The following RGPD2 variants were observed in gnomAD, a reference collection of about 807,000 sequenced individuals.
RGPD2 encodes the protein RANBP2 like and GRIP domain containing 2.
In RGPD2, 2 loss-of-function variants were observed where a neutral mutation model predicts 36.0. The ratio of observed to expected loss-of-function variants is 0.06; its 90% confidence interval spans 0.02 to 0.17. The LOEUF is 0.17. Ranked by LOEUF, RGPD2 falls within the 10% of genes least tolerant of loss-of-function variation. RGPD2 has a pLI of 1.00. For synonymous variants in RGPD2, 19 were observed against 163.8 expected, an observed-to-expected ratio of 0.12 and a Z score of 6.75; for missense variants, 40 against 464.3, an observed-to-expected ratio of 0.09 and a Z score of 8.40.
At chr2:87,923,637 C>T in the RGPD2 span, among the ~76,000 whole-genome samples, 1 of 148,774 alleles carries the variant, frequency 6.7e-6, no homozygotes, top group Non-Finnish European at 1.5e-5. Flanking sequence ...CACTAAGCTC[C>T]TAGTTTTCTT....
At chr2:87,866,406 C>T in the RGPD2 span, among the ~76,000 whole-genome samples, 1 of 152,182 alleles carries the variant, frequency 6.6e-6, no homozygotes, top group Non-Finnish European at 1.5e-5. Flanking sequence ...GTTTGCTGCT[C>T]TACACTTGAA....
the RGPD2 span, among the ~76,000 whole-genome samples, chr2:87,864,353 G>A: frequency 2.0e-5 from 3 of 152,244 alleles, no homozygotes; most frequent in Non-Finnish European, 4.4e-5. Context: ...CATTTGGACC[G>A]GGACTTACAC....
the RGPD2 span, among the ~76,000 whole-genome samples, chr2:87,867,741 G>C: frequency 6.7e-6 from 1 of 149,702 alleles, no homozygotes; most frequent in African/African-American, 2.4e-5. Context: ...ATTTGTGGAC[G>C]TCAAACTCTT....
chr2:87,769,987 T>C (rs1685083130), intron 22 of RGPD2, among the ~76,000 whole-genome samples: 1 of 148,284 alleles, frequency 6.7e-6, no homozygotes, highest in Non-Finnish European at 1.5e-5. Flanking sequence ...TATCCTATAG[T>C]TTGAAGAACT....
chr2:87,956,246 T>C, the RGPD2 span, among the ~76,000 whole-genome samples: 2 of 148,696 alleles, frequency 1.3e-5, no homozygotes, highest in African/African-American at 4.9e-5. Context: ...ACTAATTTTA[T>C]TTCTCTAGTG....
the RGPD2 span, among the ~76,000 whole-genome samples, chr2:87,967,235 G>A: frequency 6.4e-5 from 9 of 140,048 alleles, no homozygotes; most frequent in Non-Finnish European, 1.2e-4. Flanking sequence ...GTGAAACCCC[G>A]TCTCTACTAA....
chr2:87,930,859 T>C, the RGPD2 span, among the ~76,000 whole-genome samples: 1 of 148,024 alleles, frequency 6.8e-6, no homozygotes, highest in African/African-American at 2.5e-5. Context: ...AGTTTATAAG[T>C]ATAGAGGTGT....
the RGPD2 span, among the ~76,000 whole-genome samples, chr2:87,855,534 A>G: frequency 1.4e-5 from 2 of 147,356 alleles, no homozygotes; most frequent in African/African-American, 5.0e-5. Flanking sequence ...CAGTGTATAT[A>G]TGTTTGCTTT....
At chr2:87,942,725 CAATTTTGTATCCCTTA>C in the RGPD2 span, among the ~76,000 whole-genome samples, 1 of 124,322 alleles carries the variant, frequency 8.0e-6, no homozygotes, top group Non-Finnish European at 1.7e-5. Context: ...TATCTAGCTG[CAATTTTGTATCCCTTA>C]ACCAACCTCT....
At chr2:87,972,972 G>T in the RGPD2 span, 1 of 1,613,970 alleles carries the variant, frequency 6.2e-7, no homozygotes, top group Non-Finnish European at 8.5e-7. Flanking sequence ...CATGGGGCTG[G>T]TCCTTTCCCT....
At chr2:87,858,048 C>T in the RGPD2 span, among the ~76,000 whole-genome samples, 1 of 152,214 alleles carries the variant, frequency 6.6e-6, no homozygotes, top group Admixed American at 6.5e-5. Flanking sequence ...CACACACACA[C>T]ACATATATAT....
chr2:87,897,796 T>C, the RGPD2 span, among the ~76,000 whole-genome samples: 6 of 151,898 alleles, frequency 4.0e-5, no homozygotes, highest in Admixed American at 3.3e-4. Context: ...AAATAACTTA[T>C]CTCAAGAGAA....
At chr2:87,769,565 C>A (rs1472716817) in intron 22 of RGPD2, among the ~76,000 whole-genome samples, 48 of 151,064 alleles carry the variant, frequency 3.2e-4, no homozygotes, top group African/African-American at 1.1e-3. Flanking sequence ...AATCAATGGA[C>A]CCTTAACTTA....
chr2:87,857,707 G>A, the RGPD2 span, among the ~76,000 whole-genome samples: 1 of 151,132 alleles, frequency 6.6e-6, no homozygotes, highest in Admixed American at 6.6e-5. Context: ...GGGAGGCCAA[G>A]GTGGGCTGAT....
chr2:87,877,319 G>T, the RGPD2 span, among the ~76,000 whole-genome samples: 1 of 152,216 alleles, frequency 6.6e-6, no homozygotes, highest in Admixed American at 6.5e-5. Flanking sequence ...GTACTTCAGT[G>T]TGTTTTTGTA....
chr2:87,929,175 T>A, the RGPD2 span, among the ~76,000 whole-genome samples: 1 of 151,948 alleles, frequency 6.6e-6, no homozygotes, highest in Non-Finnish European at 1.5e-5. Flanking sequence ...GGGTTTTTTT[T>A]ATAGTTTTGG....
the RGPD2 span, among the ~76,000 whole-genome samples, chr2:87,915,198 G>C: frequency 6.7e-6 from 1 of 150,126 alleles, no homozygotes; most frequent in Non-Finnish European, 1.5e-5. Context: ...ATATAATGAA[G>C]TACTTAGACC....
chr2:87,961,520 G>A, the RGPD2 span, among the ~76,000 whole-genome samples: 7 of 151,876 alleles, frequency 4.6e-5, no homozygotes, highest in African/African-American at 1.7e-4. Context: ...GGCCAACATG[G>A]CGAAAGCCCA....
At chr2:87,769,042 A>C (rs1221335797) in intron 22 of RGPD2, among the ~76,000 whole-genome samples, 1 of 42,626 alleles carries the variant, frequency 2.3e-5, no homozygotes, top group African/African-American at 9.2e-5. Flanking sequence ...ATCTTGGCTC[A>C]CTGCAACCTC....
Sources: allele counts gnomAD v4.1 joint callset (sites outside exome capture counted in the v4.1 genomes callset), GRCh38; gene constraint gnomAD v4.1.1; transcripts MANE v1.5; gene names NCBI Gene and HGNC (gene_info 2026-07-23, HGNC 2026-07-21).